Variants in GNA12 observed in about 807,000 individuals in gnomAD.
GNA12 encodes the protein G protein subunit alpha 12, also known as guanine nucleotide-binding protein subunit alpha-12.
Under a neutral mutation model 26.0 loss-of-function variants are expected in GNA12, and 9 were observed. The ratio of observed to expected loss-of-function variants is 0.35; its 90% CI spans 0.21 to 0.60. The LOEUF (loss-of-function observed/expected upper bound fraction) is 0.60. GNA12 is among the 20% of genes least tolerant of loss of function. The pLI is 0.78. For synonymous variants in GNA12, 264 were observed against 219.6 expected (o/e 1.20, Z -1.79); for missense variants, 405 against 525.8 (o/e 0.77, Z 2.25).
At chr7:2,822,589 C>G (rs1793392563) in intron 1 of GNA12, among the ~76,000 whole-genome samples, 1 of 152,226 alleles carries the variant, frequency 6.6e-6, no homozygotes, top group African/African-American at 2.4e-5. Context: ...AAGCCCAGGG[C>G]AGGAGGACTG....
chr7:2,834,758 T>C (rs113166057), intron 1 of GNA12, among the ~76,000 whole-genome samples: 4,991 of 152,310 alleles, frequency 0.033, 286 homozygotes, highest in African/African-American at 0.11. Flanking sequence ...ATGCTTGCCA[T>C]TGTGCTACAA....
At chr7:2,816,217 G>A (rs1374576786) in intron 1 of GNA12, among the ~76,000 whole-genome samples, 7 of 151,734 alleles carry the variant, frequency 4.6e-5, no homozygotes, top group African/African-American at 4.8e-5. Flanking sequence ...TGGACAGCAC[G>A]CACATGTGCT....
chr7:2,809,153 C>G (rs560056580), intron 1 of GNA12, among the ~76,000 whole-genome samples: 1 of 152,156 alleles, frequency 6.6e-6, no homozygotes, highest in Non-Finnish European at 1.5e-5. Flanking sequence ...CTCAGCATCT[C>G]CTGTATGATT....
intron 2 of GNA12, among the ~76,000 whole-genome samples, chr7:2,734,077 T>C (rs1161188096): frequency 6.6e-6 from 1 of 152,246 alleles, no homozygotes. Context: ...TGGATTGTTG[T>C]GGTGGAATGA....
intron 2 of GNA12, among the ~76,000 whole-genome samples, chr7:2,744,867 G>A (rs896104799): frequency 2.6e-5 from 4 of 152,252 alleles, no homozygotes; most frequent in East Asian, 1.9e-4. Context: ...AACTACCTGA[G>A]GAATGCAGAA....
At chr7:2,735,055 T>A (rs138191644) in intron 2 of GNA12, among the ~76,000 whole-genome samples, 11 of 152,290 alleles carry the variant, frequency 7.2e-5, no homozygotes, top group Non-Finnish European at 1.3e-4. Context: ...CCTCTGCACA[T>A]CATGCCTCCT....
intron 1 of GNA12, among the ~76,000 whole-genome samples, chr7:2,824,819 C>T (rs994593490): frequency 2.6e-5 from 4 of 152,174 alleles, no homozygotes; most frequent in Admixed American, 6.5e-5. Flanking sequence ...AGCTGAGGGC[C>T]GGTGGCAGCA....
chr7:2,743,605 G>A (rs28835381), intron 2 of GNA12, among the ~76,000 whole-genome samples: 283 of 152,298 alleles, frequency 1.9e-3, no homozygotes, highest in African/African-American at 6.2e-3. Context: ...AGCTCCCAGC[G>A]TGAGCAATGC....
intron 3 of GNA12, among the ~76,000 whole-genome samples, chr7:2,733,072 C>T (rs946046914): frequency 6.6e-6 from 1 of 152,214 alleles, no homozygotes; most frequent in Non-Finnish European, 1.5e-5. Flanking sequence ...TCTGCATTTG[C>T]TCCCGGAGGC....
intron 2 of GNA12, among the ~76,000 whole-genome samples, chr7:2,770,074 C>A (rs987048203): frequency 6.6e-6 from 1 of 152,134 alleles, no homozygotes; most frequent in South Asian, 2.1e-4. Flanking sequence ...AAGCTATAGA[C>A]TGGCCTGGTA....
At chr7:2,755,701 TC>T (rs771092126) in intron 2 of GNA12, among the ~76,000 whole-genome samples, 66 of 152,356 alleles carry the variant, frequency 4.3e-4, no homozygotes, top group Non-Finnish European at 7.5e-4. Context: ...TATTTCTTTT[TC>T]TCTGATATGT....
intron 2 of GNA12, among the ~76,000 whole-genome samples, chr7:2,793,468 TA>T (rs1463432098): frequency 9.2e-5 from 14 of 152,152 alleles, no homozygotes; most frequent in African/African-American, 2.9e-4. Flanking sequence ...ATGTTAACAT[TA>T]GGGGGACTTG....
Position 2,783,500 on chromosome 7 carries a change from G to C in GNA12, c.525+11428C>G, listed in dbSNP as rs1197195841. On this transcript the variant is annotated intron_variant, in intron 2 of 3. Coordinates refer to ENST00000275364, the MANE Select transcript of GNA12 (RefSeq NM_007353.3). ...TTCATTACACGGCAGTCTCCTATCA[G>C]ATCCCCCAACTTCATTTCCACCTCC... Among the ~76,000 whole-genome samples, 4 of 151,828 alleles carry C rather than the reference G, an allele frequency of 2.6e-5. No homozygotes were observed. In the South Asian group the frequency reaches 8.3e-4, roughly 32 times the overall value.
intron 1 of GNA12, among the ~76,000 whole-genome samples, chr7:2,821,445 G>A (rs1418750338): frequency 2.0e-5 from 3 of 152,196 alleles, no homozygotes; most frequent in Non-Finnish European, 2.9e-5. Flanking sequence ...GCCAGGTGTT[G>A]GCACTTACAG....
chr7:2,815,190 C>T (rs1029747755), intron 1 of GNA12: 2 of 449,190 alleles, frequency 4.5e-6, no homozygotes, highest in Non-Finnish European at 8.1e-6. Flanking sequence ...TGCCTGCGGT[C>T]CGGCACTGTG....
intron 2 of GNA12, among the ~76,000 whole-genome samples, chr7:2,786,559 G>T (rs1466631993): frequency 6.6e-6 from 1 of 151,664 alleles, no homozygotes; most frequent in African/African-American, 2.4e-5. Flanking sequence ...TTATATCTCT[G>T]TCTGTCTGTC....
At chr7:2,841,802 T>G (rs1778995969) in intron 1 of GNA12, among the ~76,000 whole-genome samples, 1 of 152,258 alleles carries the variant, frequency 6.6e-6, no homozygotes, top group East Asian at 1.9e-4. Context: ...GTGATACAAA[T>G]GTACCCGATA....
chr7:2,737,264 G>GTTT lies in GNA12; in HGVS notation c.526-3766_526-3764dup, dbSNP rs201866976. On this transcript the variant is annotated intron_variant, in intron 2 of 3. Transcript: ENST00000275364. ...CTGCCCATTCAGGAGCTATCTCACAGTTTTGTTTTGTTTTTTTTTTTTTTG... is the reference window on the plus strand; with the variant it reads ...CTGCCCATTCAGGAGCTATCTCACAGTTTTTTTGTTTTGTTTTTTTTTTTTTTG... Among the ~76,000 whole-genome samples the GTTT allele has an allele frequency of 9.0e-4, 47 of 52,486 alleles. 4 individuals carry two copies. The highest frequency in any genetic ancestry group is 1.4e-3 in the Non-Finnish European group (34 of 25,148). 34.4% of individuals were successfully genotyped at this position (52,486 alleles called of 152,430 possible).
At position 2,844,254 on chromosome 7, in the gene GNA12, C is replaced by G. The variant is rs1354252312; in HGVS notation, c.-93G>C. 2 of 566,198 alleles carry G rather than the reference C, an allele frequency of 3.5e-6. No individual in the cohort carries two copies. The highest frequency in any genetic ancestry group is 6.5e-5 in the Admixed American group (1 of 15,280). The allele number at this position is 566,198 out of a possible 1,614,324, so 35.1% of individuals were successfully genotyped here. On this transcript the variant is annotated 5_prime_UTR_variant, in exon 1 of 4. Transcript: ENST00000275364. ...GAGCCCGGGCCGAGGCACCGCCCCA[C>G]GCCCCGCCGCTCGCCTCAGGCCGCG...
Sources: allele counts gnomAD v4.1 joint callset (sites outside exome capture counted in the v4.1 genomes callset), GRCh38; gene constraint gnomAD v4.1.1; transcripts MANE v1.5; gene names NCBI Gene and HGNC (gene_info 2026-07-23, HGNC 2026-07-21).